SULF1: variants seen among roughly 807,000 people sequenced by gnomAD.
SULF1 encodes the protein sulfatase 1, also known as extracellular sulfatase Sulf-1.
Under a neutral mutation model 110.5 loss-of-function variants are expected in SULF1, and 46 were observed. The observed-to-expected ratio is 0.42, with a 90% confidence interval of 0.33 to 0.53. The LOEUF (loss-of-function observed/expected upper bound fraction) is 0.53. Ranked by LOEUF, SULF1 falls within the 20% of genes least tolerant of loss-of-function variation. The probability of loss-of-function intolerance (pLI) is 0.12; values close to 1 mark genes in which losing one functional copy is unlikely to be tolerated. For synonymous variants in SULF1, 371 were observed against 387.1 expected, an observed-to-expected ratio of 0.96 and a Z score of 0.49; for missense variants, 941 against 1,094.2, an observed-to-expected ratio of 0.86 and a Z score of 1.98.
At chr8:69,495,484 A>C (rs1429842742) in intron 1 of SULF1, among the ~76,000 whole-genome samples, 2 of 152,214 alleles carry the variant, frequency 1.3e-5, no homozygotes, top group African/African-American at 4.8e-5. Context: ...ATGCCCCCCA[A>C]GAAATGGTCA....
intron 6 of SULF1, among the ~76,000 whole-genome samples, chr8:69,583,784 C>G (rs1287295275): frequency 6.6e-6 from 1 of 152,104 alleles, no homozygotes; most frequent in Non-Finnish European, 1.5e-5. Context: ...AGGTGTTCAG[C>G]TTCTATATGA....
chr8:69,604,722 T>TA (rs370371308), intron 12 of SULF1, 81 bp from the exon 13 acceptor site: 35,032 of 1,111,854 alleles, frequency 0.032, 8 homozygotes, highest in East Asian at 0.044. Context: ...TGTGACAGGG[T>TA]AAAAAAAAAA....
At chr8:69,498,337 AGAGTCTTG>A (rs58276654) in intron 2 of SULF1, among the ~76,000 whole-genome samples, 3,295 of 152,260 alleles carry the variant, frequency 0.022, 117 homozygotes, top group African/African-American at 0.076. Flanking sequence ...GAAAACATTC[AGAGTCTTG>A]GAGTCTATAT....
At position 69,475,263 on chromosome 8, in the gene SULF1, A is replaced by G. The variant is rs1809253171; in HGVS notation, c.-391+8313A>G. On this transcript the variant is annotated intron_variant, in intron 1 of 22. Transcript: ENST00000260128. ...ATCAGGTAGAGAGGTTGGACTTGAT[A>G]GCTAAACAGATGCCTTAGGAAGTTC... Among the ~76,000 whole-genome samples the G allele has an allele frequency of 2.6e-5, 4 of 152,136 alleles. No individual in the cohort carries two copies. The South Asian group carries it at 6.2e-4, about 24-fold the overall frequency.
At chr8:69,521,201 A>G (rs1305869306) in intron 3 of SULF1, among the ~76,000 whole-genome samples, 1 of 152,120 alleles carries the variant, frequency 6.6e-6, no homozygotes, top group Admixed American at 6.6e-5. Flanking sequence ...TTATTTATGC[A>G]TTCATTAATT....
chr8:69,610,078 A>G (rs1015017977), intron 13 of SULF1, among the ~76,000 whole-genome samples: 2 of 152,234 alleles, frequency 1.3e-5, no homozygotes, highest in Admixed American at 1.3e-4. Flanking sequence ...CTTTGTTTTG[A>G]TAGGGCAAAT....
intron 16 of SULF1, 49 bp downstream of exon 16, chr8:69,627,355 G>T (rs1810165619): frequency 7.0e-7 from 1 of 1,431,692 alleles, no homozygotes; most frequent in East Asian, 2.3e-5. Context: ...CTCAAACTCG[G>T]CCTGCCAGCC....
chr8:69,528,472 G>A (rs1586313927), intron 3 of SULF1, among the ~76,000 whole-genome samples: 1 of 152,194 alleles, frequency 6.6e-6, no homozygotes, highest in African/African-American at 2.4e-5. Flanking sequence ...AGTCGACTTA[G>A]TATTGTGCTT....
intron 22 of SULF1, among the ~76,000 whole-genome samples, chr8:69,648,615 C>T (rs913867009): frequency 6.6e-6 from 1 of 152,194 alleles, no homozygotes. Context: ...GAGCCTGGTA[C>T]TTTCAGGACA....
rs147375375 is a variant in SULF1, at chr8:69,565,804, A to G, written c.172+1657A>G. Among the ~76,000 whole-genome samples, 41 of 152,088 alleles carry G rather than the reference A, an allele frequency of 2.7e-4. No homozygotes were observed. In the East Asian group the frequency reaches 7.4e-3, roughly 27 times the overall value. ...GCCTTGCGGCCCCTGCCTGTCCCCA[A>G]GGCTGTTTCCCTTTCCTCCACTTTC... On this transcript the variant is annotated intron_variant, in intron 5 of 22. Coordinates refer to ENST00000402687, the MANE Select transcript of SULF1 (RefSeq NM_001128205.2).
At chr8:69,473,260 C>T (rs1809164977) in intron 1 of SULF1, 1 of 152,172 alleles carries the variant, frequency 6.6e-6, no homozygotes, top group Non-Finnish European at 1.5e-5. Flanking sequence ...CTGTAGGAAA[C>T]TATGTCTACG....
intron 22 of SULF1, among the ~76,000 whole-genome samples, chr8:69,648,859 G>C (rs540140428): frequency 2.0e-5 from 3 of 152,354 alleles, no homozygotes; most frequent in Admixed American, 2.0e-4. Flanking sequence ...CTGTGGTTAA[G>C]TTTTTAAAAG....
At chr8:69,614,551 T>C (rs1808934588) in intron 13 of SULF1, among the ~76,000 whole-genome samples, 1 of 152,284 alleles carries the variant, frequency 6.6e-6, no homozygotes, top group Admixed American at 6.5e-5. Context: ...TATTTCTCAT[T>C]AGATTTGATT....
intron 2 of SULF1, among the ~76,000 whole-genome samples, chr8:69,498,103 C>G (rs1037930866): frequency 1.1e-4 from 15 of 131,746 alleles, no homozygotes; most frequent in African/African-American, 4.1e-4. Context: ...CTCTCTGTCT[C>G]TCTCTCTCTC....
intron 3 of SULF1, among the ~76,000 whole-genome samples, chr8:69,558,707 C>G (rs929997016): frequency 1.3e-5 from 2 of 152,144 alleles, no homozygotes; most frequent in Admixed American, 1.3e-4. Context: ...CTGGGCTTAA[C>G]TATAGAACAA....
chr8:69,481,691 C>A (rs1282274049), intron 1 of SULF1, among the ~76,000 whole-genome samples: 1 of 152,168 alleles, frequency 6.6e-6, no homozygotes, highest in East Asian at 1.9e-4. Flanking sequence ...CATTCAGCTC[C>A]CACTTATAAG....
rs150905481 is a variant in SULF1, at chr8:69,595,504, C to T, written c.735-5099C>T. Among the ~76,000 whole-genome samples, 29 of 152,286 alleles carry T rather than the reference C, an allele frequency of 1.9e-4. No homozygotes were observed. In the East Asian group the frequency reaches 5.0e-3, roughly 26 times the overall value. ...TTTGAACTTAGGTGGGGAATATCTC[C>T]ACAAAGTCCATTAAGTAAGTTCAGT... On this transcript the variant is annotated intron_variant, in intron 8 of 22. Transcript: ENST00000402687.
At chr8:69,570,209 T>G (rs1805126577) in intron 5 of SULF1, among the ~76,000 whole-genome samples, 1 of 152,208 alleles carries the variant, frequency 6.6e-6, no homozygotes, top group Admixed American at 6.5e-5. Context: ...AAACCATGAA[T>G]GCTCTAATCC....
chr8:69,471,989 G>A (rs1288661262), intron 1 of SULF1, among the ~76,000 whole-genome samples: 1 of 137,488 alleles, frequency 7.3e-6, no homozygotes, highest in East Asian at 2.0e-4. Flanking sequence ...GAGAGCAAGG[G>A]AGAGAAAGTG....
Sources: gnomAD v4.1 joint callset for allele counts (sites outside exome capture counted in the v4.1 genomes callset) on GRCh38, gnomAD v4.1.1 for gene constraint, MANE v1.5 for transcripts, NCBI Gene and HGNC (gene_info 2026-07-23, HGNC 2026-07-21) for gene names.